The following TRHDE variants were observed in gnomAD, a reference collection of about 807,000 sequenced individuals.
TRHDE encodes the protein thyrotropin-releasing hormone-degrading ectoenzyme.
In TRHDE, 72 loss-of-function variants were observed where a neutral mutation model predicts 125.7. The observed-to-expected ratio is 0.57, with a 90% CI of 0.47 to 0.70. TRHDE has a LOEUF of 0.70. Ranked by LOEUF, TRHDE falls within the 30% of genes least tolerant of loss-of-function variation. The pLI is 0.00. For synonymous variants in TRHDE, 509 were observed against 509.1 expected (o/e 1.00, Z 0.00); for missense variants, 1,110 against 1,327.1 (o/e 0.84, Z 2.54).
intron 12 of TRHDE, among the ~76,000 whole-genome samples, chr12:72,584,988 A>G (rs1871381198): frequency 6.6e-6 from 1 of 152,054 alleles, no homozygotes; most frequent in East Asian, 1.9e-4. Context: ...TTTTGTCACT[A>G]TTTTTATCAT....
rs1379386576 is a variant in TRHDE, at chr12:72,425,204, C to T, written c.1316-44554C>T. 2.6e-5 allele frequency among the ~76,000 whole-genome samples: 4 copies of T among 152,062 alleles called. No homozygotes were observed. The East Asian group carries it at 7.7e-4, about 29-fold the overall frequency. On this transcript the variant is annotated intron_variant, in intron 3 of 18. Transcript: ENST00000261180. ...GGTAGCACAGAAAATGTTGGCATGC[C>T]ATTGGCCAGCAAAACCCTCAATGAT... is the stretch of plus-strand genomic sequence containing the variant.
At chr12:72,618,450 A>G (rs1872910068) in intron 12 of TRHDE, among the ~76,000 whole-genome samples, 2 of 152,138 alleles carry the variant, frequency 1.3e-5, no homozygotes, top group South Asian at 2.1e-4. Flanking sequence ...TGACACTTTA[A>G]TTTGTTGATC....
chr12:72,272,636 G>A lies in TRHDE; in HGVS notation c.-8G>A. ...AGAGGGGGCGGGGGAGGAGGAGGAG[G>A]CGGTGTGATGGCCCTGGACGGCGAG... is the stretch of plus-strand genomic sequence containing the variant. On this transcript the variant is annotated 5_prime_UTR_variant, in exon 1 of 19. Coordinates refer to ENST00000261180, the MANE Select transcript of TRHDE (RefSeq NM_013381.3). The surrounding 1 kb of genome is among the most constrained non-coding windows in gnomAD (Gnocchi z 6.7). The A allele has an allele frequency of 1.0e-6, 1 of 987,954 alleles. No homozygotes were observed. The highest frequency in any genetic ancestry group is 1.4e-6 in the Non-Finnish European group (1 of 701,584). 61.2% of individuals were successfully genotyped at this position (987,954 alleles called of 1,614,324 possible). A position where few individuals can be genotyped will look rare whatever the true frequency, so the allele number is the denominator to read the frequency against.
intron 12 of TRHDE, among the ~76,000 whole-genome samples, chr12:72,611,924 T>C (rs948236231): frequency 6.6e-6 from 1 of 152,200 alleles, no homozygotes; most frequent in Non-Finnish European, 1.5e-5. Flanking sequence ...CATCTTTTCT[T>C]CACTCACTAT....
At chr12:72,260,652 T>C (rs776594623) in intron 2 of TRHDE, among the ~76,000 whole-genome samples, 9 of 152,100 alleles carry the variant, frequency 5.9e-5, no homozygotes, top group Admixed American at 3.9e-4. Flanking sequence ...AGCACCCTTA[T>C]CAGGCATACA....
At chr12:72,309,765 C>T (rs1378417966) in intron 2 of TRHDE, 1 of 151,380 alleles carries the variant, frequency 6.6e-6, no homozygotes, top group Non-Finnish European at 1.5e-5. Flanking sequence ...TTTGATACTG[C>T]AGAGGATGCA....
chr12:72,348,089 A>G (rs1475097754), intron 2 of TRHDE, among the ~76,000 whole-genome samples: 1 of 151,966 alleles, frequency 6.6e-6, no homozygotes, highest in Non-Finnish European at 1.5e-5. Flanking sequence ...TACAGTATTT[A>G]TGGTATACAA....
intron 3 of TRHDE, among the ~76,000 whole-genome samples, chr12:72,420,061 A>G (rs920979783): frequency 1.3e-4 from 20 of 152,204 alleles, no homozygotes; most frequent in African/African-American, 4.8e-4. Flanking sequence ...CATCATGAAT[A>G]TAACAGAGGA....
In TRHDE at chr12:72,238,310, ATATATATATATACATATATATATACACAT is replaced by A. The variant is rs1565669930; in HGVS notation, n.279+132571_279+132599del. On this transcript the variant is annotated intron_variant and non_coding_transcript_variant, in intron 2 of 4. Coordinates refer to the TRHDE transcript ENST00000548156. ...TATATATATATATATATATATATAT[ATATATATATATACATATATATATACACAT>A]TATATATATATATATATATATATAC... 6.7e-3 allele frequency among the ~76,000 whole-genome samples: 234 copies of A among 34,796 alleles called. 40 individuals carry two copies. Among genetic ancestry groups the A allele is most frequent in the Non-Finnish European group, 0.011 (186 of 16,376 alleles). 22.8% of individuals were successfully genotyped at this position (34,796 alleles called of 152,430 possible). A position where few individuals can be genotyped will look rare whatever the true frequency, so the allele number is the denominator to read the frequency against.
chr12:72,422,537 A>G (rs997156677), intron 3 of TRHDE, among the ~76,000 whole-genome samples: 5 of 152,240 alleles, frequency 3.3e-5, no homozygotes, highest in African/African-American at 1.2e-4. Flanking sequence ...TGAGTAATAC[A>G]AAATGGTTTC....
At chr12:72,365,589 G>A (rs1252396405) in intron 2 of TRHDE, among the ~76,000 whole-genome samples, 1 of 152,046 alleles carries the variant, frequency 6.6e-6, no homozygotes, top group Non-Finnish European at 1.5e-5. Flanking sequence ...ATAGGTGAGT[G>A]ATACAGGTGC....
At chr12:72,155,490 T>C (rs1296412303) in intron 2 of TRHDE, among the ~76,000 whole-genome samples, 3 of 152,204 alleles carry the variant, frequency 2.0e-5, no homozygotes, top group African/African-American at 7.2e-5. Context: ...GTTTCCGGTT[T>C]TTCTGCTCTG....
intron 3 of TRHDE, among the ~76,000 whole-genome samples, chr12:72,387,828 C>T (rs1872488309): frequency 6.6e-6 from 1 of 152,136 alleles, no homozygotes; most frequent in South Asian, 2.1e-4. Flanking sequence ...TGCCTGCAGC[C>T]ATGTAAGATG....
chr12:72,255,308 AC>A (rs1314144591), intron 2 of TRHDE: 1 of 152,262 alleles, frequency 6.6e-6, no homozygotes, highest in Non-Finnish European at 1.5e-5. Flanking sequence ...ACTTCTGTCC[AC>A]TGCGTCCTCA....
At chr12:72,458,248 C>G (rs1235243419) in intron 3 of TRHDE, among the ~76,000 whole-genome samples, 3 of 152,168 alleles carry the variant, frequency 2.0e-5, no homozygotes, top group Non-Finnish European at 4.4e-5. Flanking sequence ...AATTAAAATT[C>G]AACTACTTGA....
chr12:72,325,862 G>A (rs548290113), intron 2 of TRHDE, among the ~76,000 whole-genome samples: 4 of 152,190 alleles, frequency 2.6e-5, no homozygotes, highest in Admixed American at 6.5e-5. Flanking sequence ...AACTCACTAT[G>A]CTTCGACACA....
chr12:72,160,487 C>G (rs114073405), intron 2 of TRHDE, among the ~76,000 whole-genome samples: 5,326 of 152,152 alleles, frequency 0.035, 164 homozygotes, highest in African/African-American at 0.082. Flanking sequence ...CAGTTTTCAA[C>G]ACTAGCCTGC....
intron 2 of TRHDE, among the ~76,000 whole-genome samples, chr12:72,167,049 TGCGCCCAGGG>T (rs1467128771): frequency 1.3e-5 from 2 of 151,974 alleles, no homozygotes; most frequent in East Asian, 3.9e-4. Context: ...ACCCTTTGGA[TGCGCCCAGGG>T]GCTGAGGCAT....
chr12:72,566,880 A>C (rs1870472853), intron 9 of TRHDE, among the ~76,000 whole-genome samples: 1 of 151,926 alleles, frequency 6.6e-6, no homozygotes, highest in Non-Finnish European at 1.5e-5. Flanking sequence ...GCATTCAATC[A>C]GATTCAATAG....
Sources: allele counts gnomAD v4.1 joint callset (sites outside exome capture counted in the v4.1 genomes callset), GRCh38; gene constraint gnomAD v4.1.1; non-coding constraint Gnocchi (gnomAD v3.1); transcripts MANE v1.5; gene names NCBI Gene and HGNC (gene_info 2026-07-23, HGNC 2026-07-21).